The following HNRNPK variants were observed in gnomAD, a reference collection of about 807,000 sequenced individuals.
The protein encoded by HNRNPK is heterogeneous nuclear ribonucleoprotein K.
A neutral mutation model predicts 67.0 loss-of-function variants in HNRNPK; 7 were observed. The ratio of observed to expected loss-of-function variants is 0.10; its 90% CI spans 0.06 to 0.20. HNRNPK has a LOEUF of 0.20. Among genes scored for constraint, HNRNPK ranks in the 10% least tolerant of loss-of-function variants. HNRNPK has a pLI of 1.00. For missense variants in HNRNPK, 264 were observed against 606.5 expected, an observed-to-expected ratio of 0.44 and a Z score of 5.93; for synonymous variants, 213 against 193.7, an observed-to-expected ratio of 1.10 and a Z score of -0.83.
chr9:83,976,265 C>T (rs1184793300), intron 5 of HNRNPK, among the ~76,000 whole-genome samples: 1 of 152,048 alleles, frequency 6.6e-6, no homozygotes, highest in African/African-American at 2.4e-5. Flanking sequence ...AATAAGTACT[C>T]GACACAAAGT....
intron 9 of HNRNPK, 69 bp from the exon 10 acceptor site, chr9:83,973,041 AT>A (rs1956923241): frequency 3.4e-6 from 4 of 1,178,464 alleles, no homozygotes; most frequent in Non-Finnish European, 3.6e-6. Flanking sequence ...TTCAGTGAAA[AT>A]TGCATTTGAA....
At position 83,969,038 on chromosome 9, in the gene HNRNPK, C is replaced by A. The variant is rs1158739275; in HGVS notation, c.*369G>T. On this transcript the variant is annotated 3_prime_UTR_variant, in exon 17 of 17. Transcript: ENST00000376263. ...TTACTTTTCCTCCCTGTCCCACCCC[C>A]CAAATGTTACAGTGACCACAAAGCA... 2.6e-6 allele frequency: 1 copy of A among 392,152 alleles called. No individual in the cohort carries two copies. The allele number at this position is 392,152 out of a possible 1,614,324, so 24.3% of individuals were successfully genotyped here.
chr9:83,976,849 C>T (rs909549372), intron 5 of HNRNPK, 146 bp downstream of exon 5: 7 of 527,304 alleles, frequency 1.3e-5, no homozygotes, highest in Non-Finnish European at 2.3e-5. Context: ...GAATGGATAA[C>T]TTCGAAATCA....
At chr9:83,978,141 G>A (rs1048621674) in intron 3 of HNRNPK, 54 bp downstream of exon 3, 6 of 1,168,732 alleles carry the variant, frequency 5.1e-6, no homozygotes, top group East Asian at 4.7e-5. Context: ...AACAGAAAAA[G>A]GCAATTTATT....
Position 83,968,599 on chromosome 9 carries a change from C to G in HNRNPK, c.*808G>C, listed in dbSNP as rs1187850704. The G allele has an allele frequency of 6.6e-6, 1 of 152,576 alleles. No homozygotes were observed. The highest frequency in any genetic ancestry group is 1.5e-5 in the Non-Finnish European group (1 of 68,036). The allele number at this position is 152,576 out of a possible 1,614,324, so 9.5% of individuals were successfully genotyped here. On this transcript the variant is annotated 3_prime_UTR_variant, in exon 17 of 17. Transcript: ENST00000376263. ...TGTAGTACTGCTCCCCACCTTAGTT[C>G]TTCACAACTAACATAGAAAATTGTT... is the stretch of plus-strand genomic sequence containing the variant.
At chr9:83,979,375 T>C (rs1001628857) in intron 1 of HNRNPK, among the ~76,000 whole-genome samples, 1 of 152,052 alleles carries the variant, frequency 6.6e-6, no homozygotes, top group Non-Finnish European at 1.5e-5. Context: ...GATAAGAAAG[T>C]TTAAGCAAAA....
rs755210140 is a variant in HNRNPK, at chr9:83,972,024, G to A, written c.811C>T (p.Arg271Cys). ...FDRMPPGRGG[R>C]PMPPSRRDYD... The stretch of plus-strand genomic sequence containing the variant: ...TCTCTTCTAGATGGAGGCATGGGAC[G>A]CCCACCCCGACCAGGAGGCATTCTG... Residue 271 changes from arginine (R) to cysteine (C), a missense_variant, in exon 11 of 17, where the codon CGT becomes TGT. Around this residue, in one of 6 missense-constraint regions of HNRNPK, gnomAD observed 142 missense variants for 256.5 expected, o/e 0.55. Transcript: ENST00000376263. The A allele has an allele frequency of 6.2e-7, 1 of 1,613,844 alleles. No homozygotes were observed. Among genetic ancestry groups the A allele is most frequent in the Non-Finnish European group, 8.5e-7 (1 of 1,179,834 alleles).
chr9:83,978,375 G>A lies in HNRNPK; in HGVS notation c.-30C>T. On this transcript the variant is annotated splice_region_variant and 5_prime_UTR_variant, in exon 2 of 17. Coordinates refer to ENST00000376263, the MANE Select transcript of HNRNPK (RefSeq NM_031263.4). ...AAGACATTGCTTCTAGAACGTACCA[G>A]TTATTATATATCCTTGCAGAGCAGA... 1 of 1,488,424 alleles carries A rather than the reference G, an allele frequency of 6.7e-7. No individual in the cohort carries two copies. Among genetic ancestry groups the A allele is most frequent in the East Asian group, 2.4e-5 (1 of 42,244 alleles). 92.2% of individuals were successfully genotyped at this position (1,488,424 alleles called of 1,614,324 possible). A position where few individuals can be genotyped will look rare whatever the true frequency, so the allele number is the denominator to read the frequency against.
intron 13 of HNRNPK, 45 bp downstream of exon 13, chr9:83,971,228 C>T (rs748279916): frequency 5.5e-6 from 7 of 1,269,196 alleles, no homozygotes. Flanking sequence ...AGGTAAGCAT[C>T]TTAAATTATC....
chr9:83,971,172 A>G (rs1588413998), intron 13 of HNRNPK, 101 bp downstream of exon 13: 1 of 902,382 alleles, frequency 1.1e-6, no homozygotes, highest in South Asian at 1.3e-5. Context: ...CCTGTATCCT[A>G]TTTTCAGTAA....
Position 83,969,039 on chromosome 9 carries a change from C to A in HNRNPK, c.*368G>T. The stretch of plus-strand genomic sequence containing the variant: ...TACTTTTCCTCCCTGTCCCACCCCC[C>A]AAATGTTACAGTGACCACAAAGCAA... On this transcript the variant is annotated 3_prime_UTR_variant, in exon 17 of 17. Transcript: ENST00000376263. 5.1e-6 allele frequency: 2 copies of A among 392,296 alleles called. No homozygotes were observed. The highest frequency in any genetic ancestry group is 9.2e-6 in the Non-Finnish European group (2 of 218,226). 24.3% of individuals were successfully genotyped at this position (392,296 alleles called of 1,614,324 possible).
At position 83,969,453 on chromosome 9, in the gene HNRNPK, AGAAAAAAAAGTGC is replaced by A; in HGVS notation, c.1362-26_1362-14del. The A allele has an allele frequency of 6.4e-7, 1 of 1,554,494 alleles. No individual in the cohort carries two copies. The highest frequency in any genetic ancestry group is 8.8e-7 in the Non-Finnish European group (1 of 1,141,384). ...ATACTGCTTCACACTATAAAAGAAA[AGAAAAAAAAGTGC>A]GAATTAGAATTTTTGCTCGTAACAT... On this transcript the variant is annotated splice_polypyrimidine_tract_variant and intron_variant, in intron 16 of 16. Coordinates refer to ENST00000376263, the MANE Select transcript of HNRNPK (RefSeq NM_031263.4).
chr9:83,973,925 A>C lies in HNRNPK; in HGVS notation c.379T>G (p.Ser127Ala). 6.2e-7 allele frequency: 1 copy of C among 1,613,924 alleles called. No individual in the cohort carries two copies. Among genetic ancestry groups the C allele is most frequent in the Non-Finnish European group, 8.5e-7 (1 of 1,179,880 alleles). ...PTATSQLPLESDAVECLNYQH... is the reference protein window; with the variant it reads ...PTATSQLPLEADAVECLNYQH... ...ACATTTAAGCATTCCACAGCATCAG[A>C]TTCGAGCGGGAGCTGGCTGGTTGCA... Residue 127 changes from serine to alanine, a missense_variant, in exon 8 of 17, where the codon TCT becomes GCT. Coordinates refer to ENST00000376263, the MANE Select transcript of HNRNPK (RefSeq NM_031263.4).
At position 83,973,308 on chromosome 9, in the gene HNRNPK, G is replaced by C; in HGVS notation, c.494C>G (p.Ala165Gly). 6.3e-7 allele frequency: 1 copy of C among 1,596,252 alleles called. No individual in the cohort carries two copies. The highest frequency in any genetic ancestry group is 8.6e-7 in the Non-Finnish European group (1 of 1,166,330). ...LAGGIIGVKG[A>G]KIKELRENTQ... ...TACCTCTCGAAGTTCTTTGATTTTA[G>C]CACCTTTGACCCCAATAATTCCTCC... Residue 165 changes from alanine to glycine, a missense_variant, in exon 9 of 17, where the codon GCT becomes GGT. Around this residue, in one of 6 missense-constraint regions of HNRNPK, gnomAD observed 18 missense variants for 84.5 expected, o/e 0.21. Transcript: ENST00000376263.
At chr9:83,976,755 T>TTTGGTGGACTC in intron 5 of HNRNPK, 1 of 367,638 alleles carries the variant, frequency 2.7e-6, no homozygotes, top group South Asian at 1.0e-4. Context: ...AAGTGAATAA[T>TTTGGTGGACTC]TTGGTGGACT....
chr9:83,974,059 T>C (rs1956965564), intron 7 of HNRNPK, 86 bp from the exon 8 acceptor site: 1 of 765,318 alleles, frequency 1.3e-6, no homozygotes, highest in Non-Finnish European at 2.2e-6. Flanking sequence ...TACTACAACA[T>C]ATTTTAAATC....
At chr9:83,974,944 C>T (rs1435355366) in intron 6 of HNRNPK, among the ~76,000 whole-genome samples, 5 of 152,308 alleles carry the variant, frequency 3.3e-5, no homozygotes, top group African/African-American at 7.2e-5. Flanking sequence ...AACTGGCACA[C>T]CTTCTCTTAG....
intron 16 of HNRNPK, chr9:83,969,751 T>G: frequency 1.5e-6 from 1 of 660,010 alleles, no homozygotes; most frequent in Non-Finnish European, 2.9e-6. Flanking sequence ...ATTTGTCCTG[T>G]AGAGGCATGG....
chr9:83,969,273 G>A lies in HNRNPK; in HGVS notation c.*134C>T. 1.4e-6 allele frequency: 1 copy of A among 740,518 alleles called. No individual in the cohort carries two copies. Among genetic ancestry groups the A allele is most frequent in the Non-Finnish European group, 2.4e-6 (1 of 410,194 alleles). 45.9% of individuals were successfully genotyped at this position (740,518 alleles called of 1,614,324 possible). ...ACCTCAAATGCAGAACACCTATGAA[G>A]CAGAGGAATGTTGGCTTTTTAAACA... On this transcript the variant is annotated 3_prime_UTR_variant, in exon 17 of 17. Transcript: ENST00000376263.
Sources: allele counts gnomAD v4.1 joint callset (sites outside exome capture counted in the v4.1 genomes callset), GRCh38; gene constraint gnomAD v4.1.1; regional missense constraint gnomAD v4.1.1; transcripts MANE v1.5; gene names NCBI Gene and HGNC (gene_info 2026-07-23, HGNC 2026-07-21).